Variants in PCDHGB5 observed in about 807,000 individuals in gnomAD.
PCDHGB5 encodes the protein protocadherin gamma-B5.
A neutral mutation model predicts 62.9 loss-of-function variants in PCDHGB5; 48 were observed. The ratio of observed to expected loss-of-function variants is 0.76; its 90% CI spans 0.61 to 0.97. The LOEUF is 0.97. PCDHGB5 is among the 50% of genes least tolerant of loss of function. PCDHGB5 has a pLI of 0.00. For synonymous variants in PCDHGB5, 474 were observed against 511.2 expected (o/e 0.93, Z 0.98); for missense variants, 1,118 against 1,198.6 (o/e 0.93, Z 0.99).
rs776004958 is a variant in PCDHGB5 at position 141,410,344 on chromosome 5, C to T, written c.2397+9820C>T. 6 of 1,614,006 alleles carry T rather than the reference C, an allele frequency of 3.7e-6. No individual in the cohort carries two copies. In the South Asian group the frequency reaches 6.6e-5, roughly 18 times the overall value. On this transcript the variant is annotated intron_variant, in intron 1 of 3. Transcript: ENST00000617380. ...CCGTGATTCTGGCCATTGCCTTGCG[C>T]CTGCGACGCTCTCTCAGCCCTGCTA...
At chr5:141,444,178 TTTTTTTTTTTG>T in intron 1 of PCDHGB5, among the ~76,000 whole-genome samples, 1 of 134,050 alleles carries the variant, frequency 7.5e-6, no homozygotes, top group Admixed American at 7.5e-5. Flanking sequence ...TTTTTTTTTT[TTTTTTTTTTTG>T]AGATGGAGTT....
rs1029546280 is a variant in PCDHGB5 at position 141,423,551 on chromosome 5, A to G, written c.2397+23027A>G. On this transcript the variant is annotated intron_variant, in intron 1 of 3. Coordinates refer to ENST00000617380, the MANE Select transcript of PCDHGB5 (RefSeq NM_018925.3). ...AGTCACCTGATTTTCCCCCAGCCCA[A>G]CTATGGGGACACGCTCATCAGCCAG... The G allele has an allele frequency of 2.5e-6, 4 of 1,613,498 alleles. No individual in the cohort carries two copies. The African/African-American group carries it at 5.3e-5, about 22-fold the overall frequency.
At position 141,420,340 on chromosome 5, in the gene PCDHGB5, G is replaced by A. The variant is rs1405507680; in HGVS notation, c.2397+19816G>A. ...ATATGCCAATATATTCCAATATAGT[G>A]GTATTATTTTAAGATTCTAGATAAC... On this transcript the variant is annotated intron_variant, in intron 1 of 3. Transcript: ENST00000617380. The A allele has an allele frequency of 2.9e-6, 4 of 1,387,388 alleles. No homozygotes were observed. In the African/African-American group the frequency reaches 4.4e-5, roughly 15 times the overall value. 85.9% of individuals were successfully genotyped at this position (1,387,388 alleles called of 1,614,324 possible). A position where few individuals can be genotyped will look rare whatever the true frequency, so the allele number is the denominator to read the frequency against.
intron 1 of PCDHGB5, chr5:141,403,682 C>T (rs1456832899): frequency 1.3e-5 from 21 of 1,613,810 alleles, no homozygotes; most frequent in Non-Finnish European, 1.1e-5. Flanking sequence ...GGTTTTTGCT[C>T]AACGGATTTA....
At chr5:141,401,159 T>G (rs2094122338) in intron 1 of PCDHGB5, among the ~76,000 whole-genome samples, 1 of 152,076 alleles carries the variant, frequency 6.6e-6, no homozygotes, top group Admixed American at 6.6e-5. Context: ...CTGGGCAATA[T>G]GGTGAAAACC....
chr5:141,504,209 C>T (rs1305672612), intron 2 of PCDHGB5, among the ~76,000 whole-genome samples: 1 of 152,180 alleles, frequency 6.6e-6, no homozygotes, highest in Non-Finnish European at 1.5e-5. Flanking sequence ...TGGGAAAATT[C>T]CAAGTAGAGC....
At chr5:141,481,838 T>G (rs1297962011) in intron 1 of PCDHGB5, among the ~76,000 whole-genome samples, 2 of 150,868 alleles carry the variant, frequency 1.3e-5, no homozygotes, top group African/African-American at 4.9e-5. Flanking sequence ...GGAGAATCGC[T>G]TGATGGTGGA....
chr5:141,400,588 T>TC, intron 1 of PCDHGB5, 64 bp downstream of exon 1: 1 of 1,606,158 alleles, frequency 6.2e-7, no homozygotes, highest in South Asian at 1.1e-5. Flanking sequence ...TACATGAAAC[T>TC]ATCGTACATT....
intron 1 of PCDHGB5, among the ~76,000 whole-genome samples, chr5:141,439,431 G>A (rs2154558488): frequency 6.6e-6 from 1 of 152,298 alleles, no homozygotes; most frequent in Non-Finnish European, 1.5e-5. Flanking sequence ...AAATTCCCAG[G>A]AATATTTTAT....
In PCDHGB5 at chr5:141,420,606, G is replaced by A. The variant is rs141099124; in HGVS notation, c.2397+20082G>A. On this transcript the variant is annotated intron_variant, in intron 1 of 3. Coordinates refer to ENST00000617380, the MANE Select transcript of PCDHGB5 (RefSeq NM_018925.3). Reference sequence around the variant, plus strand: ...CCTGATGCTACTCAATTTTTCTCAAGTATTTCATCTTCATTTACTCAATAA... The same window carrying A: ...CCTGATGCTACTCAATTTTTCTCAAATATTTCATCTTCATTTACTCAATAA... Among the ~76,000 whole-genome samples the A allele has an allele frequency of 2.7e-3, 411 of 152,256 alleles. 1 individual carries two copies. Among genetic ancestry groups the A allele is most frequent in the African/African-American group, 9.4e-3 (392 of 41,546 alleles).
In PCDHGB5 at chr5:141,408,993, T is replaced by G. The variant is rs1258002192; in HGVS notation, c.2397+8469T>G. The G allele has an allele frequency of 1.2e-6, 2 of 1,613,814 alleles. No homozygotes were observed. The highest frequency in any genetic ancestry group is 2.7e-5 in the African/African-American group (2 of 74,912). On this transcript the variant is annotated intron_variant, in intron 1 of 3. Transcript: ENST00000617380. Reference sequence around the variant, plus strand: ...CCCCCTGGGTCCCCTGTGTTGCAAGTGACAGCCACTGACCAGGATGAGGGG... The same window carrying G: ...CCCCCTGGGTCCCCTGTGTTGCAAGGGACAGCCACTGACCAGGATGAGGGG...
chr5:141,428,108 G>C (rs771684309), intron 1 of PCDHGB5: 6 of 1,608,094 alleles, frequency 3.7e-6, no homozygotes, highest in Admixed American at 1.7e-5. Context: ...ACGTGCTGCA[G>C]GCCATCGAGC....
chr5:141,467,897 A>G (rs1403276382), intron 1 of PCDHGB5, among the ~76,000 whole-genome samples: 1 of 152,056 alleles, frequency 6.6e-6, no homozygotes, highest in Non-Finnish European at 1.5e-5. Flanking sequence ...GAGCTCAAGA[A>G]ATCCGCCCAC....
intron 1 of PCDHGB5, among the ~76,000 whole-genome samples, chr5:141,401,123 C>A (rs1289456548): frequency 1.3e-5 from 2 of 152,156 alleles, no homozygotes; most frequent in Non-Finnish European, 2.9e-5. Flanking sequence ...GCGGTTGGAT[C>A]ACATGGTCAG....
At chr5:141,418,629 C>T in intron 1 of PCDHGB5, 1 of 1,614,014 alleles carries the variant, frequency 6.2e-7, no homozygotes, top group Non-Finnish European at 8.5e-7. Context: ...GACGTGCCTC[C>T]AGGCACCTCC....
intron 1 of PCDHGB5, chr5:141,421,333 G>A (rs1458277535): frequency 2.5e-6 from 4 of 1,613,850 alleles, no homozygotes; most frequent in Admixed American, 1.7e-5. Flanking sequence ...CCGATATTCG[G>A]TGCCAGAAGA....
chr5:141,430,949 GT>G (rs1391027030), intron 1 of PCDHGB5: 5 of 1,610,510 alleles, frequency 3.1e-6, no homozygotes, highest in Non-Finnish European at 4.2e-6. Flanking sequence ...GGAGCGCGGA[GT>G]CCGCATCATC....
Position 141,410,515 on chromosome 5 carries a change from G to A in PCDHGB5, c.2397+9991G>A, listed in dbSNP as rs373451539. The A allele has an allele frequency of 1.9e-6, 3 of 1,613,828 alleles. No homozygotes were observed. The African/African-American group carries it at 4.0e-5, about 22-fold the overall frequency. On this transcript the variant is annotated intron_variant, in intron 1 of 3. Coordinates refer to ENST00000617380, the MANE Select transcript of PCDHGB5 (RefSeq NM_018925.3). ...AGTTTAATTTCCTAAAATGCAGTGT[G>A]CCCCTACATTCCAATGAAGACATGG...
chr5:141,491,071 C>T lies in PCDHGB5; in HGVS notation c.2398-3736C>T, dbSNP rs987564933. 1 of 1,614,152 alleles carries T rather than the reference C, an allele frequency of 6.2e-7. No individual in the cohort carries two copies. Among genetic ancestry groups the T allele is most frequent in the Non-Finnish European group, 8.5e-7 (1 of 1,180,028 alleles). ...TGCGTGGCTCTCCTACTCACTGTTGCCACAGTCCACAGCCCCAGGACTGTT... is the reference window on the plus strand; with the variant it reads ...TGCGTGGCTCTCCTACTCACTGTTGTCACAGTCCACAGCCCCAGGACTGTT... On this transcript the variant is annotated intron_variant, in intron 1 of 3. Transcript: ENST00000617380. This position sits in a 1 kb window ranked among gnomAD's most constrained non-coding sequence, Gnocchi z 6.9.
Sources: allele counts gnomAD v4.1 joint callset (sites outside exome capture counted in the v4.1 genomes callset), GRCh38; gene constraint gnomAD v4.1.1; non-coding constraint Gnocchi (gnomAD v3.1); transcripts MANE v1.5; gene names NCBI Gene and HGNC (gene_info 2026-07-23, HGNC 2026-07-21).